The following PCDH15 variants were observed in gnomAD, a reference collection of about 807,000 sequenced individuals.
PCDH15 encodes protocadherin related 15.
Under a neutral mutation model 178.5 loss-of-function variants are expected in PCDH15, and 129 were observed. The ratio of observed to expected loss-of-function variants is 0.72; its 90% CI spans 0.63 to 0.84. PCDH15 has a LOEUF of 0.84. Ranked by LOEUF, PCDH15 falls within the 40% of genes least tolerant of loss-of-function variation. PCDH15 has a pLI of 0.00. For synonymous variants in PCDH15, 800 were observed against 732.0 expected, an observed-to-expected ratio of 1.09 and a Z score of -1.50; for missense variants, 2,230 against 2,099.9, an observed-to-expected ratio of 1.06 and a Z score of -1.21.
At chr10:53,853,403 G>A (rs1477734065) in intron 28 of PCDH15, among the ~76,000 whole-genome samples, 1 of 151,938 alleles carries the variant, frequency 6.6e-6, no homozygotes, top group Non-Finnish European at 1.5e-5. Context: ...GGAAACAAAA[G>A]CAAAAATAGA....
chr10:54,915,385 T>C (rs1456291469), intron 2 of PCDH15, among the ~76,000 whole-genome samples: 1 of 152,200 alleles, frequency 6.6e-6, no homozygotes, highest in Non-Finnish European at 1.5e-5. Flanking sequence ...CTCAAAATTA[T>C]TTGGAATATA....
chr10:55,563,004 A>C (rs908696215), intron 2 of PCDH15, among the ~76,000 whole-genome samples: 1 of 151,976 alleles, frequency 6.6e-6, no homozygotes, highest in Non-Finnish European at 1.5e-5. Context: ...TTAGCTTAGG[A>C]GCAACTATCT....
At chr10:55,535,073 G>A (rs1841541218) in intron 2 of PCDH15, among the ~76,000 whole-genome samples, 1 of 151,972 alleles carries the variant, frequency 6.6e-6, no homozygotes, top group Non-Finnish European at 1.5e-5. Flanking sequence ...AACGGAGAAA[G>A]CATGGGTTGA....
chr10:55,349,225 G>A (rs72803897), intron 2 of PCDH15, among the ~76,000 whole-genome samples: 8,622 of 152,170 alleles, frequency 0.057, 391 homozygotes, highest in Non-Finnish European at 0.086. Flanking sequence ...TGAAGTCCCA[G>A]TGTCCTCTAC....
intron 35 of PCDH15, among the ~76,000 whole-genome samples, chr10:53,813,757 A>C (rs1189350913): frequency 6.6e-6 from 1 of 152,190 alleles, no homozygotes; most frequent in Non-Finnish European, 1.5e-5. Context: ...ATGTTGAGCA[A>C]TATAGGTCAG....
At chr10:55,573,205 A>G (rs980299775) in intron 2 of PCDH15, among the ~76,000 whole-genome samples, 2 of 152,098 alleles carry the variant, frequency 1.3e-5, no homozygotes, top group Admixed American at 1.3e-4. Flanking sequence ...AAATTAGATG[A>G]CAAAAATTCT....
chr10:54,083,337 C>A (rs2094464634), intron 16 of PCDH15, among the ~76,000 whole-genome samples: 1 of 152,150 alleles, frequency 6.6e-6, no homozygotes, highest in South Asian at 2.1e-4. Context: ...ATGTTCACAG[C>A]AGCGGTATTT....
intron 1 of PCDH15, among the ~76,000 whole-genome samples, chr10:54,779,528 A>ACACATATATGTGTGTATATATATATACC (rs1950158321): frequency 7.0e-6 from 1 of 142,322 alleles, no homozygotes; most frequent in African/African-American, 2.6e-5. Flanking sequence ...ATATATATAC[A>ACACATATATGTGTGTATATATATATACC]CACACATATA....
chr10:54,305,546 C>G (rs1360172881), intron 8 of PCDH15, among the ~76,000 whole-genome samples: 1 of 151,960 alleles, frequency 6.6e-6, no homozygotes, highest in Non-Finnish European at 1.5e-5. Flanking sequence ...ATCATCCTAA[C>G]AGTTTGTGAT....
chr10:55,485,835 A>G (rs1355539415), intron 2 of PCDH15, among the ~76,000 whole-genome samples: 1 of 151,740 alleles, frequency 6.6e-6, no homozygotes, highest in Non-Finnish European at 1.5e-5. Context: ...AGATACTTGC[A>G]TTCCAATGTG....
At position 54,392,480 on chromosome 10, in the gene PCDH15, A is replaced by AG. The variant is rs939566772; in HGVS notation, c.158-13539_158-13538insC. Among the ~76,000 whole-genome samples the AG allele has an allele frequency of 5.1e-4, 74 of 144,324 alleles. 1 individual carries two copies. The highest frequency in any genetic ancestry group is 4.9e-4 in the Non-Finnish European group (33 of 67,576). 94.7% of individuals were successfully genotyped at this position (144,324 alleles called of 152,430 possible). A position where few individuals can be genotyped will look rare whatever the true frequency, so the allele number is the denominator to read the frequency against. On this transcript the variant is annotated intron_variant, in intron 3 of 37. Transcript: ENST00000644397. Reference sequence around the variant, plus strand: ...AGTGAGGCTGTCTCAAAAAAAAAAAAAAAAAAAAAAAAAGAAATGTATTAA... The same window carrying AG: ...AGTGAGGCTGTCTCAAAAAAAAAAAAGAAAAAAAAAAAAAGAAATGTATTAA...
intron 26 of PCDH15, among the ~76,000 whole-genome samples, chr10:53,876,516 A>G (rs566157957): frequency 6.6e-6 from 1 of 152,080 alleles, no homozygotes; most frequent in Non-Finnish European, 1.5e-5. Context: ...CCAGAAAGAA[A>G]TCTTTATTTT....
chr10:54,879,853 ATGTCT>A (rs1404320223), intron 3 of PCDH15, among the ~76,000 whole-genome samples: 1 of 151,974 alleles, frequency 6.6e-6, no homozygotes, highest in Non-Finnish European at 1.5e-5. Flanking sequence ...GAATATTATA[ATGTCT>A]TGGAGAAAAG....
chr10:54,451,297 A>G (rs1409699038), intron 3 of PCDH15, among the ~76,000 whole-genome samples: 1 of 151,908 alleles, frequency 6.6e-6, no homozygotes, highest in Non-Finnish European at 1.5e-5. Context: ...TGAAATTTTT[A>G]CTGACTTCAT....
chr10:54,769,295 A>T (rs940948711), intron 1 of PCDH15, among the ~76,000 whole-genome samples: 30 of 150,234 alleles, frequency 2.0e-4, no homozygotes, highest in African/African-American at 6.4e-4. Flanking sequence ...AATGGCAGGC[A>T]TGCTTGACAG....
chr10:55,094,618 T>C (rs1842402787), intron 2 of PCDH15, among the ~76,000 whole-genome samples: 1 of 152,096 alleles, frequency 6.6e-6, no homozygotes, highest in Non-Finnish European at 1.5e-5. Context: ...TTTACAATAA[T>C]GTTTTAAGAT....
intron 2 of PCDH15, among the ~76,000 whole-genome samples, chr10:55,049,298 T>C (rs1841095928): frequency 6.6e-6 from 1 of 151,940 alleles, no homozygotes; most frequent in Non-Finnish European, 1.5e-5. Context: ...TATGTCACTT[T>C]CTTGAACACA....
At position 55,052,362 on chromosome 10, in the gene PCDH15, A is replaced by AC. The variant is rs1472650334; in HGVS notation, c.-80+114213dup. Among the ~76,000 whole-genome samples the AC allele has an allele frequency of 2.0e-5, 3 of 150,392 alleles. 1 individual carries two copies. The highest frequency in any genetic ancestry group is 7.3e-5 in the African/African-American group (3 of 41,006). ...ACCGGCCTCCCAAAGTGCTGGTATT[A>AC]CAGGCGTGAGCCACCGTACCCGGCC... On this transcript the variant is annotated intron_variant, in intron 2 of 5. Transcript: ENST00000458638.
intron 16 of PCDH15, among the ~76,000 whole-genome samples, chr10:54,083,898 G>C (rs2094473988): frequency 6.6e-6 from 1 of 151,974 alleles, no homozygotes; most frequent in Admixed American, 6.6e-5. Flanking sequence ...AGAAAATAGG[G>C]TTTGCCTAAC....
Sources: gnomAD v4.1 joint callset for allele counts (sites outside exome capture counted in the v4.1 genomes callset) on GRCh38, gnomAD v4.1.1 for gene constraint, MANE v1.5 for transcripts, NCBI Gene and HGNC (gene_info 2026-07-23, HGNC 2026-07-21) for gene names.